HERC4: variants seen among roughly 807,000 people sequenced by gnomAD.
HERC4 encodes the protein HECT and RLD domain containing E3 ubiquitin protein ligase 4.
In HERC4, 28 loss-of-function variants were observed where a neutral mutation model predicts 124.3. The ratio of observed to expected loss-of-function variants is 0.23; its 90% CI spans 0.17 to 0.31. HERC4 has a LOEUF of 0.31. Among genes scored for constraint, HERC4 ranks in the 10% least tolerant of loss-of-function variants. The probability of loss-of-function intolerance (pLI) is 1.00; values close to 1 mark genes in which losing one functional copy is unlikely to be tolerated. For missense variants in HERC4, 713 were observed against 1,229.3 expected (o/e 0.58, Z 6.28); for synonymous variants, 407 against 421.5 (o/e 0.97, Z 0.42).
intron 8 of HERC4, among the ~76,000 whole-genome samples, chr10:68,024,714 G>A (rs1396808234): frequency 6.6e-6 from 1 of 152,092 alleles, no homozygotes; most frequent in Non-Finnish European, 1.5e-5. Context: ...ATACATACAA[G>A]GTAGAAAAAC....
intron 9 of HERC4, among the ~76,000 whole-genome samples, chr10:68,000,118 A>C (rs2037138577): frequency 6.6e-6 from 1 of 152,030 alleles, no homozygotes; most frequent in Non-Finnish European, 1.5e-5. Context: ...TCAACCTCTC[A>C]AAGTGCTGGG....
In HERC4 at chr10:67,937,739, G is replaced by A. The variant is rs1220410559; in HGVS notation, c.2572-1504C>T. Among the ~76,000 whole-genome samples, 11 of 147,158 alleles carry A rather than the reference G, an allele frequency of 7.5e-5. No individual in the cohort carries two copies. The East Asian group carries it at 2.0e-3, about 27-fold the overall frequency. On this transcript the variant is annotated intron_variant, in intron 21 of 24. Transcript: ENST00000373700. Reference sequence around the variant, plus strand: ...TGTGTCACCCAGGCTGCAGTACAATGGCGTGATCTCAGCTCACTGCAACCT... The same window carrying A: ...TGTGTCACCCAGGCTGCAGTACAATAGCGTGATCTCAGCTCACTGCAACCT...
chr10:68,039,463 C>T (rs1485703760), intron 4 of HERC4: 5 of 1,550,662 alleles, frequency 3.2e-6, no homozygotes, highest in Non-Finnish European at 4.4e-6. Flanking sequence ...ACCAGAGAGT[C>T]GACACACATG....
At chr10:67,939,703 T>C in intron 20 of HERC4, 49 bp from the exon 21 acceptor site, 1 of 1,096,302 alleles carries the variant, frequency 9.1e-7, no homozygotes. Context: ...ATTGGATATT[T>C]TGACTATTTT....
At chr10:68,048,902 A>T (rs2040146608) in intron 3 of HERC4, among the ~76,000 whole-genome samples, 1 of 152,224 alleles carries the variant, frequency 6.6e-6, no homozygotes, top group Non-Finnish European at 1.5e-5. Flanking sequence ...TAAAAATCAA[A>T]AAGTTTGATA....
chr10:67,942,280 C>T (rs1024277977), intron 19 of HERC4, among the ~76,000 whole-genome samples: 1 of 152,064 alleles, frequency 6.6e-6, no homozygotes, highest in Non-Finnish European at 1.5e-5. Context: ...GGATAATATA[C>T]GTTAAACACT....
At chr10:68,008,948 C>G (rs1324656090) in intron 9 of HERC4, among the ~76,000 whole-genome samples, 3 of 152,160 alleles carry the variant, frequency 2.0e-5, no homozygotes, top group African/African-American at 7.2e-5. Flanking sequence ...AGCCTGGGCG[C>G]AGTGGTTCAC....
chr10:68,044,597 AG>A (rs1470160718), intron 3 of HERC4, 34 bp from the exon 4 acceptor site: 2 of 1,588,732 alleles, frequency 1.3e-6, no homozygotes, highest in Admixed American at 3.6e-5. Flanking sequence ...ATTGCATTCT[AG>A]TACAGAAATC....
intron 15 of HERC4, among the ~76,000 whole-genome samples, chr10:67,975,977 G>T (rs1295721028): frequency 6.6e-6 from 1 of 150,380 alleles, no homozygotes; most frequent in Non-Finnish European, 1.5e-5. Flanking sequence ...AGAAGGGGTC[G>T]GCAAACTACA....
At chr10:67,933,254 A>C (rs368700538) in intron 22 of HERC4, among the ~76,000 whole-genome samples, 7 of 152,288 alleles carry the variant, frequency 4.6e-5, no homozygotes, top group African/African-American at 1.7e-4. Context: ...ATTTACTTTA[A>C]CAAATGCCTA....
Position 68,072,928 on chromosome 10 carries a change from T to C in HERC4, c.181A>G (p.Asn61Asp). 1 of 1,612,942 alleles carries C rather than the reference T, an allele frequency of 6.2e-7. No homozygotes were observed. The highest frequency in any genetic ancestry group is 8.5e-7 in the Non-Finnish European group (1 of 1,179,500). Residue 61 changes from asparagine (N) to aspartate (D), a missense_variant, in exon 3 of 25, where the codon AAT becomes GAT. Physicochemically the swap from Asn to Asp is conservative, Grantham distance 23. Transcript: ENST00000373700. ...TCATGACCTAGCTGTCCTAGATCAT[T>C]ACATCCACATGTGTACACTGTTCCA... ...DDGTVYTCGC[N>D]DLGQLGHEKS... is the part of the protein sequence containing the mutation.
intron 4 of HERC4, among the ~76,000 whole-genome samples, chr10:68,041,772 A>G (rs2039780866): frequency 1.3e-5 from 2 of 152,204 alleles, no homozygotes; most frequent in Admixed American, 6.5e-5. Context: ...TATATATTCT[A>G]TATTAACATC....
chr10:67,923,513 C>A (rs1166677387), intron 24 of HERC4, among the ~76,000 whole-genome samples: 1 of 151,928 alleles, frequency 6.6e-6, no homozygotes, highest in Admixed American at 6.6e-5. Flanking sequence ...TGCTTCGTTT[C>A]TGTTATTTTT....
At chr10:67,985,533 G>C (rs538788299) in intron 15 of HERC4, among the ~76,000 whole-genome samples, 1 of 152,174 alleles carries the variant, frequency 6.6e-6, no homozygotes, top group South Asian at 2.1e-4. Flanking sequence ...TTATCTGTTT[G>C]GTTTTATTTA....
chr10:67,932,544 T>C, intron 23 of HERC4, 53 bp downstream of exon 23: 1 of 1,490,202 alleles, frequency 6.7e-7, no homozygotes, highest in East Asian at 2.3e-5. Context: ...AAGGCAAGAT[T>C]TCCATATATA....
At chr10:67,964,605 G>C (rs1258676734) in intron 16 of HERC4, among the ~76,000 whole-genome samples, 1 of 151,988 alleles carries the variant, frequency 6.6e-6, no homozygotes, top group African/African-American at 2.4e-5. Context: ...CCAACAAAGT[G>C]ATCATTCAAA....
At chr10:67,992,393 A>T in intron 10 of HERC4, 70 bp from the exon 11 acceptor site, 1 of 1,549,406 alleles carries the variant, frequency 6.5e-7, no homozygotes, top group Non-Finnish European at 8.8e-7. Context: ...AGAAATTCCC[A>T]CCATATATTT....
At chr10:67,941,219 T>TAATA (rs2032857840) in intron 19 of HERC4, 114 bp from the exon 20 acceptor site, 2 of 673,006 alleles carry the variant, frequency 3.0e-6, no homozygotes, top group African/African-American at 1.9e-5. Flanking sequence ...AAGTAATAAA[T>TAATA]AACAAAAGTT....
At chr10:68,069,408 G>A (rs1335032855) in intron 3 of HERC4, 1 of 985,016 alleles carries the variant, frequency 1.0e-6, no homozygotes, top group African/African-American at 1.7e-5. Context: ...GATAGAAAAG[G>A]ACATACATAT....
Sources: allele counts gnomAD v4.1 joint callset (sites outside exome capture counted in the v4.1 genomes callset), GRCh38; gene constraint gnomAD v4.1.1; transcripts MANE v1.5; gene names NCBI Gene and HGNC (gene_info 2026-07-23, HGNC 2026-07-21).